Variants in SLC35F4 observed in about 807,000 individuals in gnomAD.
The protein encoded by SLC35F4 is chromosome 14 open reading frame 36.
Under a neutral mutation model 44.2 loss-of-function variants are expected in SLC35F4, and 24 were observed. That is an observed-to-expected ratio of 0.54 (90% CI 0.39 to 0.76). The LOEUF is 0.76. Among genes scored for constraint, SLC35F4 ranks in the 30% least tolerant of loss-of-function variants. The pLI, the probability that SLC35F4 is intolerant of heterozygous loss-of-function variation, is 0.00. For missense variants in SLC35F4, 562 were observed against 586.1 expected (o/e 0.96, Z 0.42); for synonymous variants, 238 against 223.6 (o/e 1.06, Z -0.57).
At chr14:57,947,251 GT>G (rs71104597) in intron 1 of SLC35F4, among the ~76,000 whole-genome samples, 60,812 of 138,512 alleles carry the variant, frequency 0.44, 13,162 homozygotes, top group African/African-American at 0.54. Flanking sequence ...TGGGTTTTTT[GT>G]TTTTTTTTTT....
At chr14:57,630,220 C>T (rs1393264191) in intron 1 of SLC35F4, 2 of 561,304 alleles carry the variant, frequency 3.6e-6, no homozygotes, top group African/African-American at 1.9e-5. Context: ...GTGTACAGTT[C>T]TTCATGCTAT....
At position 57,937,030 on chromosome 14, in the gene SLC35F4, T is replaced by C. The variant is rs575465018; in HGVS notation, n.282+44883A>G. On this transcript the variant is annotated intron_variant and non_coding_transcript_variant, in intron 1 of 1. Transcript: ENST00000556568. ...TAAAAAATTGAGCTTTAGCCTTACA[T>C]TTAGCAGCAGGAAATTAATAAATAT... Among the ~76,000 whole-genome samples the C allele has an allele frequency of 3.3e-5, 5 of 151,934 alleles. No homozygotes were observed. The South Asian group carries it at 1.0e-3, about 32-fold the overall frequency.
intron 4 of SLC35F4, among the ~76,000 whole-genome samples, chr14:57,574,482 G>T (rs547861764): frequency 2.0e-5 from 3 of 152,252 alleles, no homozygotes; most frequent in African/African-American, 7.2e-5. Context: ...TATTTGAAAT[G>T]TTAGAAAAAT....
chr14:57,720,934 C>T (rs988954324), intron 1 of SLC35F4, among the ~76,000 whole-genome samples: 4 of 139,904 alleles, frequency 2.9e-5, no homozygotes, highest in African/African-American at 1.0e-4. Context: ...AACTTGTAGA[C>T]AGCCTATTGT....
intron 1 of SLC35F4, among the ~76,000 whole-genome samples, chr14:57,662,311 T>C (rs1158004430): frequency 1.3e-5 from 2 of 152,160 alleles, no homozygotes; most frequent in Non-Finnish European, 2.9e-5. Context: ...GAGCATGCCG[T>C]GATTTGAATA....
downstream of SLC35F4, among the ~76,000 whole-genome samples, chr14:57,973,910 C>T (rs1445135759): frequency 1.3e-5 from 2 of 151,572 alleles, no homozygotes; most frequent in African/African-American, 2.4e-5. Flanking sequence ...CCACCACACC[C>T]TCTGTCATCT....
chr14:57,661,932 C>T (rs949869429), intron 1 of SLC35F4, among the ~76,000 whole-genome samples: 6 of 152,208 alleles, frequency 3.9e-5, no homozygotes, highest in Admixed American at 3.3e-4. Flanking sequence ...GGGTGTCCAA[C>T]AGCCAGACCA....
chr14:57,812,144 C>T (rs934467200), intron 1 of SLC35F4, among the ~76,000 whole-genome samples: 6 of 152,128 alleles, frequency 3.9e-5, no homozygotes, highest in African/African-American at 1.4e-4. Context: ...AGGGATACCA[C>T]CAAGCCAGGC....
intron 1 of SLC35F4, among the ~76,000 whole-genome samples, chr14:57,767,900 C>T (rs2077272154): frequency 2.0e-5 from 3 of 152,100 alleles, no homozygotes; most frequent in Admixed American, 2.0e-4. Context: ...CACATACGTT[C>T]AACAACTTAG....
At chr14:57,748,845 C>G (rs903106860) in intron 1 of SLC35F4, among the ~76,000 whole-genome samples, 1 of 152,120 alleles carries the variant, frequency 6.6e-6, no homozygotes, top group Non-Finnish European at 1.5e-5. Flanking sequence ...ATAGAGTCAA[C>G]TAAAATTGCA....
chr14:57,745,897 T>C (rs1415201325), intron 1 of SLC35F4, among the ~76,000 whole-genome samples: 1 of 152,160 alleles, frequency 6.6e-6, no homozygotes, highest in Non-Finnish European at 1.5e-5. Flanking sequence ...TGGAATACTA[T>C]GCAGCCATAA....
At chr14:57,645,984 T>C (rs1004838117) in intron 1 of SLC35F4, among the ~76,000 whole-genome samples, 1 of 152,180 alleles carries the variant, frequency 6.6e-6, no homozygotes, top group East Asian at 1.9e-4. Flanking sequence ...CACTTGATCA[T>C]GGTGGATAAG....
At chr14:57,859,212 G>A (rs1887459564) in intron 1 of SLC35F4, among the ~76,000 whole-genome samples, 1 of 152,078 alleles carries the variant, frequency 6.6e-6, no homozygotes, top group Non-Finnish European at 1.5e-5. Flanking sequence ...CTAGTGATTG[G>A]CGAAGTAGAT....
chr14:57,604,111 G>C (rs990515492), intron 1 of SLC35F4: 4 of 152,230 alleles, frequency 2.6e-5, no homozygotes, highest in Non-Finnish European at 5.9e-5. Flanking sequence ...GTGTAAGAGA[G>C]CTGGTTGATT....
chr14:57,846,156 C>G (rs1372979264), intron 1 of SLC35F4, among the ~76,000 whole-genome samples: 4 of 152,158 alleles, frequency 2.6e-5, no homozygotes, highest in Admixed American at 6.5e-5. Flanking sequence ...ATCAGATAAT[C>G]TGCCTCAACT....
intron 1 of SLC35F4, among the ~76,000 whole-genome samples, chr14:57,687,070 G>C (rs1218665351): frequency 6.6e-6 from 1 of 152,146 alleles, no homozygotes; most frequent in East Asian, 1.9e-4. Flanking sequence ...ACAGTGAGAA[G>C]GTTGCCATCT....
At chr14:57,683,131 T>C (rs958837994) in intron 1 of SLC35F4, among the ~76,000 whole-genome samples, 1 of 152,220 alleles carries the variant, frequency 6.6e-6, no homozygotes, top group African/African-American at 2.4e-5. Flanking sequence ...TGCAAACACA[T>C]AGCTAATTCA....
intron 1 of SLC35F4, among the ~76,000 whole-genome samples, chr14:57,964,710 G>A (rs2141090362): frequency 6.6e-6 from 1 of 152,186 alleles, no homozygotes; most frequent in East Asian, 1.9e-4. Context: ...ATTGGTGCAT[G>A]TAAAAGGCCT....
intron 1 of SLC35F4, among the ~76,000 whole-genome samples, chr14:57,820,151 AT>A (rs1566880523): frequency 6.6e-6 from 1 of 152,228 alleles, no homozygotes; most frequent in Non-Finnish European, 1.5e-5. Context: ...CACATGAAAA[AT>A]AAAACTTGAA....
Sources: allele counts gnomAD v4.1 joint callset (sites outside exome capture counted in the v4.1 genomes callset), GRCh38; gene constraint gnomAD v4.1.1; transcripts MANE v1.5; gene names NCBI Gene and HGNC (gene_info 2026-07-23, HGNC 2026-07-21).